Variants in SNTG1 observed in about 807,000 individuals in gnomAD.
The protein encoded by SNTG1 is syntrophin gamma 1.
In SNTG1, 39 loss-of-function variants were observed where a neutral mutation model predicts 74.7. The observed-to-expected ratio is 0.52, with a 90% confidence interval of 0.40 to 0.68. The LOEUF (loss-of-function observed/expected upper bound fraction) is 0.68. SNTG1 is among the 30% of genes least tolerant of loss of function. SNTG1 has a pLI of 0.00. For synonymous variants in SNTG1, 254 were observed against 217.1 expected (o/e 1.17, Z -1.49); for missense variants, 685 against 609.5 (o/e 1.12, Z -1.30).
intron 15 of SNTG1, among the ~76,000 whole-genome samples, chr8:50,681,887 C>T (rs1265006903): frequency 1.3e-5 from 2 of 152,182 alleles, no homozygotes; most frequent in African/African-American, 2.4e-5. Context: ...CACAACATGT[C>T]CTCTGACTCT....
At chr8:50,701,672 C>CTTCCT (rs1563761569) in intron 15 of SNTG1, among the ~76,000 whole-genome samples, 4 of 144,182 alleles carry the variant, frequency 2.8e-5, no homozygotes, top group African/African-American at 1.1e-4. Context: ...TCTTCTTCTT[C>CTTCCT]CTTCTTCTTC....
chr8:50,333,516 G>C (rs1428371384), intron 2 of SNTG1, among the ~76,000 whole-genome samples: 1 of 152,144 alleles, frequency 6.6e-6, no homozygotes, highest in Non-Finnish European at 1.5e-5. Flanking sequence ...GTGTTTCAAA[G>C]CTACCTCCTG....
chr8:50,426,672 G>A, intron 4 of SNTG1, among the ~76,000 whole-genome samples: 1 of 151,786 alleles, frequency 6.6e-6, no homozygotes, highest in East Asian at 1.9e-4. Flanking sequence ...AATAAATTTA[G>A]TATAACCTAA....
intron 1 of SNTG1, among the ~76,000 whole-genome samples, chr8:50,065,999 A>C (rs1252555721): frequency 6.6e-6 from 1 of 152,074 alleles, no homozygotes; most frequent in Non-Finnish European, 1.5e-5. Flanking sequence ...GGCGGATCAC[A>C]AGGTCAGGAG....
intron 1 of SNTG1, among the ~76,000 whole-genome samples, chr8:49,926,060 A>G (rs1806996896): frequency 6.6e-6 from 1 of 152,162 alleles, no homozygotes; most frequent in African/African-American, 2.4e-5. Flanking sequence ...TCTGGTTTTC[A>G]TGGGTGGGTG....
chr8:50,111,752 G>A (rs2080600979), intron 1 of SNTG1, among the ~76,000 whole-genome samples: 1 of 152,026 alleles, frequency 6.6e-6, no homozygotes. Context: ...CAAAATCCTA[G>A]GAAACTGAAA....
intron 2 of SNTG1, among the ~76,000 whole-genome samples, chr8:50,294,802 T>C (rs1037278725): frequency 1.3e-5 from 2 of 152,214 alleles, no homozygotes; most frequent in African/African-American, 2.4e-5. Context: ...CATAATACTC[T>C]ACTTCTCCTC....
intron 1 of SNTG1, among the ~76,000 whole-genome samples, chr8:50,127,262 CTG>C (rs1184548463): frequency 6.6e-6 from 1 of 152,076 alleles, no homozygotes; most frequent in Non-Finnish European, 1.5e-5. Flanking sequence ...AAGCCATTTA[CTG>C]TGACTTTTAG....
chr8:50,372,643 CTCTGGGGAT>C (rs909693706), intron 2 of SNTG1, among the ~76,000 whole-genome samples: 65 of 152,180 alleles, frequency 4.3e-4, no homozygotes, highest in African/African-American at 1.4e-3. Flanking sequence ...CATTGAGAAG[CTCTGGGGAT>C]TCCAAGAAAT....
Position 50,376,754 on chromosome 8 carries a change from T to TAG in SNTG1, c.-27-17457_-27-17456insGA, listed in dbSNP as rs770555169. Among the ~76,000 whole-genome samples the TAG allele has an allele frequency of 2.3e-3, 232 of 100,296 alleles. 1 individual carries two copies. The highest frequency in any genetic ancestry group is 0.013 in the Middle Eastern group (2 of 158). 65.8% of individuals were successfully genotyped at this position (100,296 alleles called of 152,430 possible). ...TTATATATATATATATATATATATATATAGAGAGAGAGAGAGAGAGAGAGA... is the reference window on the plus strand; with the variant it reads ...TTATATATATATATATATATATATATAGATAGAGAGAGAGAGAGAGAGAGAGA... On this transcript the variant is annotated intron_variant, in intron 2 of 18. Coordinates refer to ENST00000642720, the MANE Select transcript of SNTG1 (RefSeq NM_018967.5).
intron 1 of SNTG1, among the ~76,000 whole-genome samples, chr8:50,166,939 G>A (rs2082634807): frequency 6.7e-6 from 1 of 149,134 alleles, no homozygotes; most frequent in Non-Finnish European, 1.5e-5. Context: ...ATACTATGCA[G>A]CCATAAAAAA....
At chr8:50,230,752 A>G (rs1286310157) in intron 2 of SNTG1, among the ~76,000 whole-genome samples, 2 of 151,256 alleles carry the variant, frequency 1.3e-5, no homozygotes, top group Non-Finnish European at 3.0e-5. Flanking sequence ...TCCAACTCAA[A>G]AGTATTAGAG....
intron 1 of SNTG1, among the ~76,000 whole-genome samples, chr8:50,133,664 C>T (rs2081383897): frequency 6.6e-6 from 1 of 152,134 alleles, no homozygotes; most frequent in African/African-American, 2.4e-5. Flanking sequence ...CAGGTCTAAG[C>T]TTACAGCTGT....
chr8:50,785,355 G>A (rs2095671769), intron 18 of SNTG1, among the ~76,000 whole-genome samples: 1 of 151,510 alleles, frequency 6.6e-6, no homozygotes, highest in African/African-American at 2.4e-5. Context: ...ATAAAAGAAG[G>A]TATATTTTAG....
intron 1 of SNTG1, among the ~76,000 whole-genome samples, chr8:49,940,102 G>C (rs1315619376): frequency 6.6e-6 from 1 of 152,184 alleles, no homozygotes; most frequent in Non-Finnish European, 1.5e-5. Flanking sequence ...AATTTGAGGT[G>C]CTTGGGTTGA....
intron 1 of SNTG1, among the ~76,000 whole-genome samples, chr8:49,940,055 C>A (rs1428573126): frequency 6.6e-6 from 1 of 152,164 alleles, no homozygotes; most frequent in African/African-American, 2.4e-5. Flanking sequence ...GGAGTTGACT[C>A]CATCAGGCTT....
At chr8:50,736,238 A>G (rs1299321841) in intron 17 of SNTG1, among the ~76,000 whole-genome samples, 1 of 152,078 alleles carries the variant, frequency 6.6e-6, no homozygotes, top group African/African-American at 2.4e-5. Flanking sequence ...ACCAGCTAGC[A>G]TCATAATGAC....
intron 9 of SNTG1, among the ~76,000 whole-genome samples, chr8:50,524,846 C>T (rs1052710154): frequency 6.6e-6 from 1 of 151,984 alleles, no homozygotes; most frequent in Admixed American, 6.6e-5. Flanking sequence ...AATCAATCTC[C>T]CATGGAGGAA....
chr8:50,587,886 C>T (rs1281817830), intron 12 of SNTG1, among the ~76,000 whole-genome samples: 2 of 151,544 alleles, frequency 1.3e-5, no homozygotes, highest in African/African-American at 2.4e-5. Flanking sequence ...CCGAGGCGGG[C>T]GGATCACGAG....
Sources: allele counts gnomAD v4.1 joint callset (sites outside exome capture counted in the v4.1 genomes callset), GRCh38; gene constraint gnomAD v4.1.1; transcripts MANE v1.5; gene names NCBI Gene and HGNC (gene_info 2026-07-23, HGNC 2026-07-21).